Variants in SLC35D4 observed in about 807,000 individuals in gnomAD.
SLC35D4 encodes the protein solute carrier family 35 member D4.
chr18:23,281,714 A>G, the SLC35D4 span, among the ~76,000 whole-genome samples: 4 of 152,198 alleles, frequency 2.6e-5, no homozygotes, highest in Non-Finnish European at 5.9e-5. Context: ...CTTTAAGTCT[A>G]CAATCACAAA....
At chr18:23,377,169 G>A in the SLC35D4 span, among the ~76,000 whole-genome samples, 1 of 152,176 alleles carries the variant, frequency 6.6e-6, no homozygotes, top group Non-Finnish European at 1.5e-5. Flanking sequence ...CCCAGTTTAC[G>A]CTGTAGCTGA....
the SLC35D4 span, among the ~76,000 whole-genome samples, chr18:23,353,071 CA>C: frequency 1.5e-5 from 1 of 67,680 alleles, no homozygotes; most frequent in Non-Finnish European, 3.2e-5. Context: ...AGAGGTGAGA[CA>C]GACAGTGTGT....
At chr18:23,323,730 G>A in the SLC35D4 span, among the ~76,000 whole-genome samples, 16 of 152,228 alleles carry the variant, frequency 1.1e-4, no homozygotes, top group African/African-American at 3.9e-4. Context: ...AGATGATTTA[G>A]TTTAGATGAG....
the SLC35D4 span, among the ~76,000 whole-genome samples, chr18:23,392,773 A>G: frequency 6.6e-6 from 1 of 152,188 alleles, no homozygotes; most frequent in Non-Finnish European, 1.5e-5. Flanking sequence ...ACCCAAGTCC[A>G]CTAACTGAAT....
At chr18:23,285,718 C>T in the SLC35D4 span, among the ~76,000 whole-genome samples, 10 of 152,210 alleles carry the variant, frequency 6.6e-5, no homozygotes, top group South Asian at 1.0e-3. Flanking sequence ...CCTCCCCAGG[C>T]TAAGTCCCAA....
chr18:23,385,302 C>T, the SLC35D4 span, among the ~76,000 whole-genome samples: 1 of 152,204 alleles, frequency 6.6e-6, no homozygotes, highest in African/African-American at 2.4e-5. Context: ...TTTAAGTCTC[C>T]TGTGTGTCAG....
chr18:23,311,399 T>C, the SLC35D4 span, among the ~76,000 whole-genome samples: 1 of 149,520 alleles, frequency 6.7e-6, no homozygotes, highest in Non-Finnish European at 1.5e-5. Context: ...GGCCCTTCTT[T>C]TTTTTTTTTT....
chr18:23,304,055 T>TAA, the SLC35D4 span, among the ~76,000 whole-genome samples: 11,757 of 142,842 alleles, frequency 0.082, 654 homozygotes, highest in Middle Eastern at 0.17. Context: ...GTGTTTAAAT[T>TAA]AAAAAAAAAA....
At chr18:23,300,206 G>A in the SLC35D4 span, among the ~76,000 whole-genome samples, 4 of 152,066 alleles carry the variant, frequency 2.6e-5, no homozygotes, top group African/African-American at 7.2e-5. Context: ...CTTTTTGCAC[G>A]CAGGCTCACC....
chr18:23,348,635 A>C, the SLC35D4 span, among the ~76,000 whole-genome samples: 1 of 152,018 alleles, frequency 6.6e-6, no homozygotes, highest in Non-Finnish European at 1.5e-5. Context: ...ATTTTGTCTG[A>C]TTTTAATATA....
chr18:23,430,792 T>C, the SLC35D4 span: 7 of 992,800 alleles, frequency 7.1e-6, no homozygotes, highest in Non-Finnish European at 1.0e-5. Context: ...TAAATTCAAG[T>C]TTTAAAAAGG....
At chr18:23,309,891 C>T in the SLC35D4 span, 46 of 772,498 alleles carry the variant, frequency 6.0e-5, no homozygotes, top group East Asian at 1.3e-4. Context: ...TTTCCCCACA[C>T]GCTTCCTAGT....
the SLC35D4 span, among the ~76,000 whole-genome samples, chr18:23,302,831 C>G: frequency 2.0e-5 from 3 of 152,236 alleles, no homozygotes; most frequent in Non-Finnish European, 4.4e-5. Context: ...GAGGCAGCCT[C>G]TATTCATTCC....
chr18:23,333,304 G>C, the SLC35D4 span, among the ~76,000 whole-genome samples: 2 of 152,200 alleles, frequency 1.3e-5, no homozygotes, highest in East Asian at 1.9e-4. Context: ...TGCATCTACT[G>C]TCTGCCTATG....
At chr18:23,332,367 C>G in the SLC35D4 span, among the ~76,000 whole-genome samples, 1 of 152,170 alleles carries the variant, frequency 6.6e-6, no homozygotes, top group Non-Finnish European at 1.5e-5. Context: ...GAACATATGT[C>G]TTTGTTTCTC....
chr18:23,359,660 G>A, the SLC35D4 span, among the ~76,000 whole-genome samples: 3 of 152,148 alleles, frequency 2.0e-5, no homozygotes, highest in African/African-American at 7.2e-5. Flanking sequence ...CAGGAAAACA[G>A]GAGGTCGGTT....
the SLC35D4 span, among the ~76,000 whole-genome samples, chr18:23,312,309 T>C: frequency 1.3e-5 from 2 of 152,172 alleles, no homozygotes; most frequent in Admixed American, 6.5e-5. Flanking sequence ...TCCTCTGAAA[T>C]GCACCTTTTG....
chr18:23,327,139 C>T, the SLC35D4 span, among the ~76,000 whole-genome samples: 1 of 152,102 alleles, frequency 6.6e-6, no homozygotes, highest in African/African-American at 2.4e-5. Context: ...ATTAAAAGAA[C>T]TGGAAAAGCA....
At chr18:23,375,948 C>T in the SLC35D4 span, among the ~76,000 whole-genome samples, 1 of 152,170 alleles carries the variant, frequency 6.6e-6, no homozygotes. Flanking sequence ...CCACTCTCTC[C>T]TCCTAAAAGA....
Sources: gnomAD v4.1 joint callset for allele counts (sites outside exome capture counted in the v4.1 genomes callset) on GRCh38, gnomAD v4.1.1 for gene constraint, MANE v1.5 for transcripts, NCBI Gene and HGNC (gene_info 2026-07-23, HGNC 2026-07-21) for gene names.